The following AGBL1 variants were observed in gnomAD, a reference collection of about 807,000 sequenced individuals.
AGBL1 encodes cytosolic carboxypeptidase 4.
A neutral mutation model predicts 118.9 loss-of-function variants in AGBL1; 130 were observed. That is an observed-to-expected ratio of 1.09 (90% confidence interval 0.95 to 1.26). The LOEUF (loss-of-function observed/expected upper bound fraction) is 1.26, where lower values mean the gene tolerates loss of function less well. AGBL1 is among the 50% of genes most tolerant of loss of function. The probability of loss-of-function intolerance (pLI) is 0.00; values close to 1 mark genes in which losing one functional copy is unlikely to be tolerated. For synonymous variants in AGBL1, 555 were observed against 478.9 expected (o/e 1.16, Z -2.08); for missense variants, 1,584 against 1,298.1 (o/e 1.22, Z -3.38).
chr15:86,205,566 C>T (rs894338184), intron 5 of AGBL1, among the ~76,000 whole-genome samples: 34 of 152,214 alleles, frequency 2.2e-4, no homozygotes, highest in African/African-American at 7.7e-4. Flanking sequence ...GTTTTGCATT[C>T]GCATCAGCAA....
At chr15:86,173,568 A>AAGT in intron 5 of AGBL1, among the ~76,000 whole-genome samples, 1 of 152,004 alleles carries the variant, frequency 6.6e-6, no homozygotes, top group East Asian at 1.9e-4. Flanking sequence ...GTAGTTTCAT[A>AAGT]GTTTTGGGTT....
At chr15:86,147,463 G>C (rs973270994) in intron 3 of AGBL1, among the ~76,000 whole-genome samples, 1 of 152,194 alleles carries the variant, frequency 6.6e-6, no homozygotes, top group Non-Finnish European at 1.5e-5. Flanking sequence ...ATTCTCTCCT[G>C]TGCCTGGCTT....
intron 22 of AGBL1, among the ~76,000 whole-genome samples, chr15:86,774,420 T>C (rs1013371512): frequency 6.6e-6 from 1 of 152,184 alleles, no homozygotes; most frequent in Non-Finnish European, 1.5e-5. Context: ...TACATACTTT[T>C]GTTTTATTCA....
chr15:86,663,492 G>A (rs1596348096), intron 21 of AGBL1, among the ~76,000 whole-genome samples: 1 of 152,130 alleles, frequency 6.6e-6, no homozygotes, highest in East Asian at 1.9e-4. Flanking sequence ...GGTTTCAGAA[G>A]CCAGGATGTG....
chr15:86,091,668 C>T (rs1265054959), intron 1 of AGBL1, among the ~76,000 whole-genome samples: 1 of 152,164 alleles, frequency 6.6e-6, no homozygotes, highest in African/African-American at 2.4e-5. Context: ...GGCAATAAGC[C>T]ACTTGATCAG....
intron 22 of AGBL1, among the ~76,000 whole-genome samples, chr15:86,831,533 C>T (rs950716632): frequency 1.3e-5 from 2 of 152,138 alleles, no homozygotes; most frequent in Admixed American, 6.5e-5. Context: ...TTCTGAAATC[C>T]GGAAGGCCAG....
chr15:86,983,000 G>A (rs985918820), intron 23 of AGBL1, among the ~76,000 whole-genome samples: 1 of 152,042 alleles, frequency 6.6e-6, no homozygotes, highest in Non-Finnish European at 1.5e-5. Flanking sequence ...TTGCTTTTCA[G>A]GGTGGTTCTA....
chr15:86,479,540 C>T (rs1220036781), intron 18 of AGBL1, among the ~76,000 whole-genome samples: 3 of 151,968 alleles, frequency 2.0e-5, no homozygotes, highest in Non-Finnish European at 4.4e-5. Flanking sequence ...ATACCATCTC[C>T]CACCAGTTAG....
At chr15:86,185,148 T>C (rs2141809635) in intron 5 of AGBL1, among the ~76,000 whole-genome samples, 1 of 152,166 alleles carries the variant, frequency 6.6e-6, no homozygotes, top group Middle Eastern at 3.4e-3. Flanking sequence ...AACAGACACA[T>C]GAAAAAATGC....
At chr15:86,112,526 T>G (rs1033567441) in intron 1 of AGBL1, among the ~76,000 whole-genome samples, 2 of 152,214 alleles carry the variant, frequency 1.3e-5, no homozygotes, top group Non-Finnish European at 2.9e-5. Context: ...GTGTTTTCAA[T>G]TTTTCACGAT....
chr15:86,618,841 C>T lies in AGBL1; in HGVS notation c.2995-55432C>T, dbSNP rs1026035332. 2.6e-5 allele frequency among the ~76,000 whole-genome samples: 4 copies of T among 152,140 alleles called. No individual in the cohort carries two copies. In the South Asian group the frequency reaches 6.2e-4, roughly 24 times the overall value. On this transcript the variant is annotated intron_variant, in intron 21 of 22. Coordinates refer to ENST00000614907, the MANE Select transcript of AGBL1 (RefSeq NM_001386094.1). Reference sequence around the variant, plus strand: ...CATTACAGACCCTCCGTGGATCCTGCTGTCTCAGGCACATCCCTATTTTGC... The same window carrying T: ...CATTACAGACCCTCCGTGGATCCTGTTGTCTCAGGCACATCCCTATTTTGC...
At chr15:86,831,831 G>T (rs760940580) in intron 22 of AGBL1, among the ~76,000 whole-genome samples, 2 of 152,196 alleles carry the variant, frequency 1.3e-5, no homozygotes, top group Non-Finnish European at 2.9e-5. Flanking sequence ...CTGTGTGGGG[G>T]CTTGCACCCC....
intron 21 of AGBL1, among the ~76,000 whole-genome samples, chr15:86,557,381 G>A (rs1240889860): frequency 2.6e-5 from 4 of 152,184 alleles, no homozygotes; most frequent in African/African-American, 7.2e-5. Context: ...ATGTGGCTGG[G>A]CCCCAGGGGT....
chr15:86,590,310 G>A (rs2142349860), intron 21 of AGBL1, among the ~76,000 whole-genome samples: 1 of 152,284 alleles, frequency 6.6e-6, no homozygotes, highest in South Asian at 2.1e-4. Context: ...CCTGTGGGAG[G>A]TAATTGAGTC....
At chr15:86,204,247 C>T (rs2077953678) in intron 5 of AGBL1, among the ~76,000 whole-genome samples, 1 of 152,196 alleles carries the variant, frequency 6.6e-6, no homozygotes. Flanking sequence ...TATTCTCCTG[C>T]CAACTCAGTA....
intron 18 of AGBL1, among the ~76,000 whole-genome samples, chr15:86,446,234 T>A (rs187589995): frequency 1.3e-5 from 2 of 152,308 alleles, no homozygotes; most frequent in Admixed American, 1.3e-4. Flanking sequence ...TTTTTGGTTG[T>A]TTGTCTAAGT....
chr15:86,960,316 A>T (rs911595867), intron 23 of AGBL1, among the ~76,000 whole-genome samples: 6 of 152,112 alleles, frequency 3.9e-5, no homozygotes, highest in African/African-American at 1.2e-4. Flanking sequence ...TCCTTGTACA[A>T]CTTATGCTCA....
At chr15:86,772,805 A>G (rs997523690) in intron 22 of AGBL1, among the ~76,000 whole-genome samples, 3 of 152,146 alleles carry the variant, frequency 2.0e-5, no homozygotes, top group Non-Finnish European at 4.4e-5. Context: ...AGCTGAGAAC[A>G]GAGAAATACT....
chr15:86,784,084 C>T (rs1470736352), intron 22 of AGBL1, among the ~76,000 whole-genome samples: 1 of 152,186 alleles, frequency 6.6e-6, no homozygotes, highest in Non-Finnish European at 1.5e-5. Context: ...ATCTCTTAAC[C>T]TCAGTTCCCT....
Sources: allele counts gnomAD v4.1 joint callset (sites outside exome capture counted in the v4.1 genomes callset), GRCh38; gene constraint gnomAD v4.1.1; transcripts MANE v1.5; gene names NCBI Gene and HGNC (gene_info 2026-07-23, HGNC 2026-07-21).